SPATA6L: variants seen among roughly 807,000 people sequenced by gnomAD.
The protein encoded by SPATA6L is spermatogenesis associated 6-like protein.
A neutral mutation model predicts 49.2 loss-of-function variants in SPATA6L; 68 were observed. The observed-to-expected ratio is 1.38, with a 90% confidence interval of 1.14 to 1.69. The LOEUF is 1.69. Ranked by LOEUF, SPATA6L falls within the 40% of genes most tolerant of loss-of-function variation. The pLI, the probability that SPATA6L is intolerant of heterozygous loss-of-function variation, is 0.00. For synonymous variants in SPATA6L, 198 were observed against 165.7 expected (o/e 1.19, Z -1.50); for missense variants, 668 against 464.3 (o/e 1.44, Z -4.03).
At chr9:4,653,614 GTCTTGTATCTAGGA>G (rs1197732310) in intron 3 of SPATA6L, among the ~76,000 whole-genome samples, 1 of 152,098 alleles carries the variant, frequency 6.6e-6, no homozygotes, top group Admixed American at 6.5e-5. Flanking sequence ...TCTAACAAAG[GTCTTGTATCTAGGA>G]TATATAAAGA....
At chr9:4,651,736 T>C (rs760839628) in intron 3 of SPATA6L, among the ~76,000 whole-genome samples, 1 of 152,166 alleles carries the variant, frequency 6.6e-6, no homozygotes, top group Non-Finnish European at 1.5e-5. Context: ...AAAAGGCGTG[T>C]GATAAAATTC....
At chr9:4,620,095 T>C (rs1279775958) in intron 7 of SPATA6L, among the ~76,000 whole-genome samples, 1 of 152,126 alleles carries the variant, frequency 6.6e-6, no homozygotes, top group Non-Finnish European at 1.5e-5. Flanking sequence ...TACATATGTG[T>C]GTGCCACCTT....
intron 11 of SPATA6L, among the ~76,000 whole-genome samples, chr9:4,601,312 G>A (rs577915027): frequency 3.7e-4 from 56 of 151,362 alleles, no homozygotes; most frequent in African/African-American, 1.2e-3. Context: ...GGGATTTCAC[G>A]GCAATTATGC....
chr9:4,592,175 T>G (rs1159282239), intron 13 of SPATA6L, among the ~76,000 whole-genome samples: 1 of 151,854 alleles, frequency 6.6e-6, no homozygotes, highest in East Asian at 1.9e-4. Flanking sequence ...ATTAGCCAGG[T>G]GTAGTGGCAC....
At chr9:4,597,292 T>G (rs1207465865), downstream of SPATA6L, among the ~76,000 whole-genome samples, 1 of 150,332 alleles carries the variant, frequency 6.7e-6, no homozygotes, top group Non-Finnish European at 1.5e-5. Flanking sequence ...TCTCTATTTT[T>G]TATATATATA....
At chr9:4,631,634 G>A (rs1243467405) in intron 4 of SPATA6L, among the ~76,000 whole-genome samples, 11 of 152,130 alleles carry the variant, frequency 7.2e-5, no homozygotes, top group Admixed American at 7.2e-4. Context: ...CATGCTAGTG[G>A]AGGAAATAAA....
intron 4 of SPATA6L, among the ~76,000 whole-genome samples, chr9:4,632,501 C>T (rs1429747279): frequency 1.3e-5 from 2 of 150,834 alleles, no homozygotes; most frequent in Admixed American, 1.3e-4. Flanking sequence ...GAAGCTGAGG[C>T]AGGAGAATCA....
chr9:4,642,641 A>C lies in SPATA6L; in HGVS notation c.227-7242T>G, dbSNP rs190193881. Among the ~76,000 whole-genome samples the C allele has an allele frequency of 2.0e-5, 3 of 152,330 alleles. No individual in the cohort carries two copies. In the East Asian group the frequency reaches 5.8e-4, roughly 29 times the overall value. Reference sequence around the variant, plus strand: ...TATGATCCCTATCAAAAGCCTCCTCAGTCCTCTTTGCTTTAGTTGAGACAT... The same window carrying C: ...TATGATCCCTATCAAAAGCCTCCTCCGTCCTCTTTGCTTTAGTTGAGACAT... On this transcript the variant is annotated intron_variant, in intron 3 of 11. Transcript: ENST00000682582.
chr9:4,625,620 A>G (rs1830203349), intron 5 of SPATA6L, 54 bp from the exon 6 acceptor site: 1 of 1,304,872 alleles, frequency 7.7e-7, no homozygotes, highest in East Asian at 2.6e-5. Context: ...AAAGAAGAAA[A>G]TTCAATCAGA....
Position 4,662,380 on chromosome 9 carries a change from C to T in SPATA6L, c.40-344G>A, listed in dbSNP as rs756992431. ...GGATCCGGGCCGCCAGCTGCGATGCCAAGTCCCCGGAGGAGCATGGAGGGA... is the reference window on the plus strand; with the variant it reads ...GGATCCGGGCCGCCAGCTGCGATGCTAAGTCCCCGGAGGAGCATGGAGGGA... On this transcript the variant is annotated intron_variant, in intron 1 of 11. Coordinates refer to ENST00000682582, the MANE Select transcript of SPATA6L (RefSeq NM_001353486.2). The surrounding 1 kb of genome is among the most constrained non-coding windows in gnomAD (Gnocchi z 4.9). 2.0e-6 allele frequency: 3 copies of T among 1,516,170 alleles called. No homozygotes were observed. Among genetic ancestry groups the T allele is most frequent in the Non-Finnish European group, 2.6e-6 (3 of 1,139,848 alleles). 93.9% of individuals were successfully genotyped at this position (1,516,170 alleles called of 1,614,324 possible).
chr9:4,643,988 C>A (rs1008919669), intron 3 of SPATA6L, among the ~76,000 whole-genome samples: 1 of 151,146 alleles, frequency 6.6e-6, no homozygotes, highest in African/African-American at 2.4e-5. Flanking sequence ...GCCTGGGCAA[C>A]AGAGCTAGAT....
intron 3 of SPATA6L, among the ~76,000 whole-genome samples, chr9:4,651,574 G>C (rs1040846640): frequency 1.3e-5 from 2 of 152,124 alleles, no homozygotes; most frequent in African/African-American, 4.8e-5. Flanking sequence ...TCTTATGATT[G>C]TAAATCCCAA....
chr9:4,625,698 C>T (rs1587173529), intron 5 of SPATA6L, 132 bp from the exon 6 acceptor site: 2 of 571,616 alleles, frequency 3.5e-6, no homozygotes, highest in South Asian at 9.2e-5. Context: ...ATTTATAAAA[C>T]ATAAACTTAA....
downstream of SPATA6L, among the ~76,000 whole-genome samples, chr9:4,596,934 C>CA (rs1426428413): frequency 6.6e-6 from 1 of 152,104 alleles, no homozygotes; most frequent in Non-Finnish European, 1.5e-5. Flanking sequence ...ATGCTTTCCT[C>CA]AAAAAATTAA....
chr9:4,602,695 G>A (rs1823658415), intron 11 of SPATA6L, among the ~76,000 whole-genome samples: 1 of 152,150 alleles, frequency 6.6e-6, no homozygotes, highest in African/African-American at 2.4e-5. Flanking sequence ...GGGTTCCAAA[G>A]GGCCCTCCTT....
chr9:4,607,742 A>G (rs1276647552), intron 9 of SPATA6L, among the ~76,000 whole-genome samples: 1 of 152,172 alleles, frequency 6.6e-6, no homozygotes, highest in South Asian at 2.1e-4. Context: ...TCAACTAACG[A>G]GCAAAATAAC....
In SPATA6L at chr9:4,625,471, G is replaced by C. The variant is rs1162692750; in HGVS notation, c.525C>G (p.Leu175=). The C allele has an allele frequency of 2.5e-6, 4 of 1,613,910 alleles. No individual in the cohort carries two copies. The African/African-American group carries it at 5.3e-5, about 22-fold the overall frequency. ...TIKMKLKENN[L]NRLPKGMQAR... ...CTTGCATGCCTTTGGGCAGTCTGTT[G>C]AGATTATTCTCCTTTAGTTTCATCT... The change falls in exon 6 of 12, where the codon CTC becomes CTG. Residue 175 remains leucine (L), a synonymous_variant. Coordinates refer to ENST00000682582, the MANE Select transcript of SPATA6L (RefSeq NM_001353486.2).
rs1252149175 is a variant in SPATA6L, at chr9:4,599,662, C to A, written c.*1149G>T. ...CCTCTTCCTGGGTCAGAGATGGCGC[C>A]TTCTCGCTGTCTCCTCGCCAGTGGA... On this transcript the variant is annotated 3_prime_UTR_variant, in exon 12 of 12. Transcript: ENST00000682582. Among the ~76,000 whole-genome samples the A allele has an allele frequency of 6.6e-6, 1 of 152,164 alleles. No individual in the cohort carries two copies. The highest frequency in any genetic ancestry group is 1.5e-5 in the Non-Finnish European group (1 of 68,038).
chr9:4,624,051 G>C (rs750146754), intron 6 of SPATA6L, among the ~76,000 whole-genome samples: 1 of 152,046 alleles, frequency 6.6e-6, no homozygotes, highest in Non-Finnish European at 1.5e-5. Context: ...CCTTCACTTC[G>C]AGATTTACTA....
Sources: gnomAD v4.1 joint callset for allele counts (sites outside exome capture counted in the v4.1 genomes callset) on GRCh38, gnomAD v4.1.1 for gene constraint, Gnocchi (gnomAD v3.1) non-coding constraint, MANE v1.5 for transcripts, NCBI Gene and HGNC (gene_info 2026-07-23, HGNC 2026-07-21) for gene names.